Variants in MCF2 observed in about 807,000 individuals in gnomAD.
MCF2 encodes MCF.2 cell line derived transforming sequence, also known as proto-oncogene DBL.
A neutral mutation model predicts 82.5 loss-of-function variants in MCF2; 44 were observed. The ratio of observed to expected loss-of-function variants is 0.53; its 90% CI spans 0.42 to 0.69. The LOEUF (loss-of-function observed/expected upper bound fraction) is 0.69, where lower values mean the gene tolerates loss of function less well. MCF2 is among the 30% of genes least tolerant of loss of function. MCF2 has a pLI of 0.00. For synonymous variants in MCF2, 217 were observed against 224.9 expected, an observed-to-expected ratio of 0.96 and a Z score of 0.32; for missense variants, 623 against 663.1, an observed-to-expected ratio of 0.94 and a Z score of 0.66.
At chrX:139,681,521 T>C (rs1367816409) in intron 1 of MCF2, among the ~76,000 whole-genome samples, 3 of 112,483 alleles carry the variant, frequency 2.7e-5, no homozygotes, top group African/African-American at 9.7e-5. Flanking sequence ...CTTAGCATCA[T>C]GATTTTATAT....
At chrX:139,691,146 T>C (rs1446225767) in intron 1 of MCF2, among the ~76,000 whole-genome samples, 2 of 111,696 alleles carry the variant, frequency 1.8e-5, no homozygotes, top group African/African-American at 6.5e-5. Flanking sequence ...TTGTTTGTCC[T>C]TCCAGACAAA....
intron 1 of MCF2, among the ~76,000 whole-genome samples, chrX:139,696,344 C>CT (rs1338531606): frequency 4.9e-5 from 4 of 81,113 alleles, no homozygotes; most frequent in East Asian, 3.6e-4. Flanking sequence ...TTTCTCTTCT[C>CT]TCCTCTCCTC....
At chrX:139,626,276 C>T (rs765923197) in exon 6 of MCF2, 3 of 1,196,126 alleles carry the variant, frequency 2.5e-6, no homozygotes, top group Non-Finnish European at 3.4e-6. Context: ...CCATCAAAAG[C>T]TGTTTCCATA....
intron 1 of MCF2, among the ~76,000 whole-genome samples, chrX:139,653,047 T>G (rs1934083708): frequency 8.9e-6 from 1 of 112,278 alleles, no homozygotes. Context: ...AAGTCATTTC[T>G]TAAAAATGTC....
At chrX:139,620,737 C>T (rs1031332362) in intron 6 of MCF2, among the ~76,000 whole-genome samples, 2 of 111,450 alleles carry the variant, frequency 1.8e-5, no homozygotes, top group African/African-American at 6.5e-5. Flanking sequence ...ATGGAGAAAA[C>T]ATTCCATGCT....
At chrX:139,693,881 A>G (rs967505723) in intron 1 of MCF2, among the ~76,000 whole-genome samples, 2 of 112,520 alleles carry the variant, frequency 1.8e-5, no homozygotes, top group Non-Finnish European at 3.8e-5. Context: ...TAAAAATGAG[A>G]TTGATCTGCA....
At chrX:139,707,751 A>T (rs1249466190) in intron 1 of MCF2, among the ~76,000 whole-genome samples, 2 of 111,794 alleles carry the variant, frequency 1.8e-5, no homozygotes, top group African/African-American at 6.5e-5. Context: ...TTGTTATACT[A>T]ATAGTTCCAG....
At chrX:139,591,170 A>C (rs1929486642) in intron 19 of MCF2, among the ~76,000 whole-genome samples, 1 of 111,456 alleles carries the variant, frequency 9.0e-6, no homozygotes, top group Admixed American at 9.6e-5. Context: ...TTCACTAGCT[A>C]TGTGTCTTGG....
intron 6 of MCF2, among the ~76,000 whole-genome samples, chrX:139,621,215 C>A (rs1932329238): frequency 1.8e-5 from 2 of 111,476 alleles, no homozygotes; most frequent in Non-Finnish European, 3.8e-5. Context: ...GATTAAAGAT[C>A]TAAATGCAAG....
At chrX:139,643,904 C>G (rs1242706587), upstream of MCF2, among the ~76,000 whole-genome samples, 1 of 111,613 alleles carries the variant, frequency 9.0e-6, no homozygotes, top group African/African-American at 3.3e-5. Context: ...TTAATTTAAT[C>G]AGGCGGGTGC....
intron 16 of MCF2, among the ~76,000 whole-genome samples, chrX:139,599,622 C>T (rs951844098): frequency 1.4e-4 from 16 of 111,262 alleles, no homozygotes; most frequent in African/African-American, 5.2e-4. Flanking sequence ...AGAAAGGATG[C>T]TTGTTGAAAG....
At chrX:139,598,567 A>G in intron 16 of MCF2, 69 bp from the exon 21 acceptor site, 1 of 565,672 alleles carries the variant, frequency 1.8e-6, no homozygotes, top group Non-Finnish European at 2.7e-6. Flanking sequence ...CCAAGTGTTC[A>G]TTGATTAAAC....
At position 139,597,384 on chromosome X, in the gene MCF2, A is replaced by G. The variant is rs183291731; in HGVS notation, c.2055+76T>C. 15 of 764,766 alleles carry G rather than the reference A, an allele frequency of 2.0e-5. No individual in the cohort carries two copies. The East Asian group carries it at 3.7e-4, about 19-fold the overall frequency. The allele number at this position is 764,766 out of a possible 1,213,427, so 63.0% of individuals were successfully genotyped here. ...TCTGATTCTTATACGTTATTTCTCA[A>G]TTGGTTCCAGGAGGGGAAAAGGGAT... On this transcript the variant is annotated intron_variant, in intron 18 of 24. Transcript: ENST00000370576.
intron 2 of MCF2, among the ~76,000 whole-genome samples, chrX:139,650,332 C>G (rs1301740322): frequency 9.0e-6 from 1 of 110,813 alleles, no homozygotes; most frequent in Non-Finnish European, 1.9e-5. Flanking sequence ...GGAGCCTGGA[C>G]AAAAGAGCAA....
rs898872166 is a variant in MCF2, at chrX:139,617,425, G to A, written c.999+88C>T. On this transcript the variant is annotated intron_variant, in intron 8 of 24. Coordinates refer to ENST00000370576, the Ensembl canonical transcript of MCF2. ...TGAGAAGATGAAAAGTATTCCATGCGACAGGAGGGCAAGGTGCTTCAGGCT... is the reference window on the plus strand; with the variant it reads ...TGAGAAGATGAAAAGTATTCCATGCAACAGGAGGGCAAGGTGCTTCAGGCT... The A allele has an allele frequency of 1.4e-5, 9 of 659,159 alleles. No homozygotes were observed. In the African/African-American group the frequency reaches 1.8e-4, roughly 13 times the overall value. The allele number at this position is 659,159 out of a possible 1,213,427, so 54.3% of individuals were successfully genotyped here. A position where few individuals can be genotyped will look rare whatever the true frequency, so the allele number is the denominator to read the frequency against.
chrX:139,593,441 G>A (rs1484034707), intron 19 of MCF2, among the ~76,000 whole-genome samples: 1 of 110,730 alleles, frequency 9.0e-6, no homozygotes, highest in African/African-American at 3.3e-5. Context: ...ATTCACAGCC[G>A]AATTCTACCA....
intron 1 of MCF2, among the ~76,000 whole-genome samples, chrX:139,687,544 G>A (rs1935156041): frequency 8.9e-6 from 1 of 112,515 alleles, no homozygotes; most frequent in South Asian, 3.7e-4. Flanking sequence ...TGCTTAAGAA[G>A]ATGCTGAGCA....
exon 25 of MCF2, chrX:139,582,290 C>A: frequency 2.0e-6 from 1 of 493,780 alleles, no homozygotes; most frequent in Non-Finnish European, 3.6e-6. Context: ...GACAGCGTAC[C>A]ATAATTAAAA....
At chrX:139,665,233 A>G (rs1485264418) in intron 1 of MCF2, among the ~76,000 whole-genome samples, 1 of 110,731 alleles carries the variant, frequency 9.0e-6, no homozygotes, top group Non-Finnish European at 1.9e-5. Context: ...TCTGAACCCA[A>G]CTCCACACTA....
Sources: allele counts gnomAD v4.1 joint callset (sites outside exome capture counted in the v4.1 genomes callset), GRCh38; gene constraint gnomAD v4.1.1; transcripts MANE v1.5; gene names NCBI Gene and HGNC (gene_info 2026-07-23, HGNC 2026-07-21).